PTGER4: variants seen among roughly 807,000 people sequenced by gnomAD.
PTGER4 encodes the protein prostaglandin E2 receptor EP4 subtype.
A neutral mutation model predicts 33.2 loss-of-function variants in PTGER4; 11 were observed. The observed-to-expected ratio is 0.33, with a 90% CI of 0.21 to 0.55. The LOEUF is 0.55. PTGER4 is among the 20% of genes least tolerant of loss of function. The probability of loss-of-function intolerance (pLI) is 0.92; values close to 1 mark genes in which losing one functional copy is unlikely to be tolerated. For synonymous variants in PTGER4, 275 were observed against 281.5 expected (o/e 0.98, Z 0.23); for missense variants, 481 against 650.2 (o/e 0.74, Z 2.83).
At chr5:40,732,937 G>A in the PTGER4 span, among the ~76,000 whole-genome samples, 1 of 151,960 alleles carries the variant, frequency 6.6e-6, no homozygotes, top group African/African-American at 2.4e-5. Flanking sequence ...TACCTCATTT[G>A]TCCTACCTTC....
At chr5:40,699,444 C>A in the PTGER4 span, among the ~76,000 whole-genome samples, 2 of 152,076 alleles carry the variant, frequency 1.3e-5, no homozygotes, top group Non-Finnish European at 2.9e-5. Flanking sequence ...AAAGACATGA[C>A]ACCAAATCTA....
the PTGER4 span, among the ~76,000 whole-genome samples, chr5:40,707,983 C>T: frequency 6.6e-6 from 1 of 152,046 alleles, no homozygotes; most frequent in African/African-American, 2.4e-5. Flanking sequence ...TTGAAACCAA[C>T]AAGAACAAAG....
At chr5:40,730,913 T>G in the PTGER4 span, among the ~76,000 whole-genome samples, 1 of 152,124 alleles carries the variant, frequency 6.6e-6, no homozygotes, top group Non-Finnish European at 1.5e-5. Flanking sequence ...ATAATAATAA[T>G]AAAAGTATAT....
the PTGER4 span, among the ~76,000 whole-genome samples, chr5:40,700,831 G>T: frequency 3.3e-5 from 5 of 152,182 alleles, no homozygotes; most frequent in African/African-American, 1.2e-4. Context: ...GGAACCATAG[G>T]GGAGCCACAC....
At chr5:40,688,814 G>A (rs1741395124) in intron 2 of PTGER4, among the ~76,000 whole-genome samples, 2 of 152,034 alleles carry the variant, frequency 1.3e-5, no homozygotes, top group Admixed American at 6.6e-5. Flanking sequence ...TTATCCCAGC[G>A]TAGTTTCTAA....
At chr5:40,709,891 G>C in the PTGER4 span, among the ~76,000 whole-genome samples, 2 of 152,226 alleles carry the variant, frequency 1.3e-5, no homozygotes, top group African/African-American at 4.8e-5. Flanking sequence ...AGCTGAAACT[G>C]GATCCCTTCC....
the PTGER4 span, among the ~76,000 whole-genome samples, chr5:40,699,411 G>T: frequency 6.6e-6 from 1 of 152,042 alleles, no homozygotes; most frequent in South Asian, 2.1e-4. Flanking sequence ...GATTTTATTT[G>T]TGAGCTCTTT....
Position 40,692,452 on chromosome 5 carries a change from A to G in PTGER4, c.*74A>G. 1 of 1,504,496 alleles carries G rather than the reference A, an allele frequency of 6.6e-7. No homozygotes were observed. The highest frequency in any genetic ancestry group is 1.3e-5 in the South Asian group (1 of 74,136). 93.2% of individuals were successfully genotyped at this position (1,504,496 alleles called of 1,614,324 possible). On this transcript the variant is annotated 3_prime_UTR_variant, in exon 3 of 3. Coordinates refer to ENST00000302472, the MANE Select transcript of PTGER4 (RefSeq NM_000958.3). ...TGTGCAATAGACACATACATGTCAC[A>G]TTTAGCTGTGCTCAGAAGGGCTATC... is the stretch of plus-strand genomic sequence containing the variant.
the PTGER4 span, among the ~76,000 whole-genome samples, chr5:40,734,673 T>C: frequency 6.6e-6 from 1 of 152,232 alleles, no homozygotes; most frequent in African/African-American, 2.4e-5. Context: ...TTTAATGAGC[T>C]ATATAGTTAA....
At chr5:40,729,371 A>G in the PTGER4 span, among the ~76,000 whole-genome samples, 1 of 152,210 alleles carries the variant, frequency 6.6e-6, no homozygotes, top group Non-Finnish European at 1.5e-5. Context: ...CCCTGCCAAA[A>G]ATATGTTTAA....
chr5:40,736,678 C>T, the PTGER4 span, among the ~76,000 whole-genome samples: 5 of 152,138 alleles, frequency 3.3e-5, no homozygotes, highest in Non-Finnish European at 5.9e-5. Context: ...AGTACATTCA[C>T]TTGGTGCTTA....
the PTGER4 span, among the ~76,000 whole-genome samples, chr5:40,734,389 A>C: frequency 7.2e-5 from 11 of 152,366 alleles, no homozygotes; most frequent in African/African-American, 2.6e-4. Context: ...ACTTGGTTTA[A>C]AGTCACTGTG....
At chr5:40,730,073 T>C in the PTGER4 span, among the ~76,000 whole-genome samples, 1 of 152,364 alleles carries the variant, frequency 6.6e-6, no homozygotes, top group South Asian at 2.1e-4. Flanking sequence ...AACTTCATTG[T>C]AAAGGCAAAT....
chr5:40,715,743 T>C, the PTGER4 span: 2 of 158,836 alleles, frequency 1.3e-5, no homozygotes, highest in African/African-American at 4.8e-5. Flanking sequence ...TTAAGCGCAG[T>C]ATATTTCTCA....
chr5:40,736,235 T>G, the PTGER4 span, among the ~76,000 whole-genome samples: 1 of 152,186 alleles, frequency 6.6e-6, no homozygotes, highest in Non-Finnish European at 1.5e-5. Flanking sequence ...CATTCTACAC[T>G]GACTGTATCT....
downstream of PTGER4, among the ~76,000 whole-genome samples, chr5:40,694,393 G>A (rs541057883): frequency 2.0e-5 from 3 of 152,266 alleles, no homozygotes; most frequent in East Asian, 5.8e-4. Context: ...TTTTTTGAGT[G>A]AGTTATATAT....
chr5:40,731,748 T>C, the PTGER4 span, among the ~76,000 whole-genome samples: 1 of 152,158 alleles, frequency 6.6e-6, no homozygotes, highest in Non-Finnish European at 1.5e-5. Flanking sequence ...CCATATCACA[T>C]ATCTAAGATT....
the PTGER4 span, among the ~76,000 whole-genome samples, chr5:40,710,932 T>G: frequency 6.6e-6 from 1 of 151,632 alleles, no homozygotes; most frequent in African/African-American, 2.4e-5. Flanking sequence ...TGTTGTGTGG[T>G]GGGGGGAAAG....
At chr5:40,724,729 T>C in the PTGER4 span, among the ~76,000 whole-genome samples, 1 of 152,000 alleles carries the variant, frequency 6.6e-6, no homozygotes, top group Non-Finnish European at 1.5e-5. Context: ...TTCTTAAGTG[T>C]CAACATACAA....
Sources: gnomAD v4.1 joint callset for allele counts (sites outside exome capture counted in the v4.1 genomes callset) on GRCh38, gnomAD v4.1.1 for gene constraint, MANE v1.5 for transcripts, NCBI Gene and HGNC (gene_info 2026-07-23, HGNC 2026-07-21) for gene names.